Variants in COL22A1 observed in about 807,000 individuals in gnomAD.
COL22A1 encodes collagen type XXII alpha 1 chain.
A neutral mutation model predicts 248.9 loss-of-function variants in COL22A1; 221 were observed. The ratio of observed to expected loss-of-function variants is 0.89; its 90% CI spans 0.80 to 0.99. COL22A1 has a LOEUF of 0.99. Ranked by LOEUF, COL22A1 falls within the 50% of genes least tolerant of loss-of-function variation. The pLI, the probability that COL22A1 is intolerant of heterozygous loss-of-function variation, is 0.00. For synonymous variants in COL22A1, 891 were observed against 793.4 expected (o/e 1.12, Z -2.07); for missense variants, 2,240 against 2,179.0 (o/e 1.03, Z -0.56).
intron 3 of COL22A1, among the ~76,000 whole-genome samples, chr8:138,864,150 C>T (rs750711128): frequency 2.6e-5 from 4 of 152,102 alleles, no homozygotes; most frequent in Non-Finnish European, 4.4e-5. Flanking sequence ...CTAGACCGCA[C>T]TTCAGGATCT....
At chr8:138,745,830 G>C (rs947760845) in intron 22 of COL22A1, among the ~76,000 whole-genome samples, 6 of 152,132 alleles carry the variant, frequency 3.9e-5, no homozygotes, top group African/African-American at 1.4e-4. Context: ...AAAACATTCA[G>C]GATTCAGACG....
At chr8:138,677,598 A>G (rs1825666752) in intron 40 of COL22A1, among the ~76,000 whole-genome samples, 1 of 152,214 alleles carries the variant, frequency 6.6e-6, no homozygotes, top group Non-Finnish European at 1.5e-5. Flanking sequence ...GACTTGTGCT[A>G]TTTGCAGTCT....
At chr8:138,788,151 G>A (rs118108540) in intron 12 of COL22A1, among the ~76,000 whole-genome samples, 96 of 152,246 alleles carry the variant, frequency 6.3e-4, no homozygotes, top group East Asian at 6.0e-3. Context: ...CTGGGGTTGC[G>A]TTAGAAGGGC....
chr8:138,736,590 G>A (rs1035301157), intron 23 of COL22A1, among the ~76,000 whole-genome samples: 2 of 152,092 alleles, frequency 1.3e-5, no homozygotes, highest in African/African-American at 4.8e-5. Flanking sequence ...ATCTAGATGG[G>A]TGGGTGTCAG....
intron 1 of COL22A1, among the ~76,000 whole-genome samples, chr8:138,906,239 G>A (rs762162486): frequency 6.6e-6 from 1 of 151,990 alleles, no homozygotes; most frequent in Non-Finnish European, 1.5e-5. Context: ...GCATGGTGGC[G>A]GGCACCTATA....
intron 63 of COL22A1, among the ~76,000 whole-genome samples, chr8:138,593,526 T>C (rs1025785124): frequency 6.6e-6 from 1 of 152,222 alleles, no homozygotes. Flanking sequence ...TGTTTGCCAC[T>C]GTGTGATGAG....
At chr8:138,642,226 C>T (rs371501690) in intron 47 of COL22A1, among the ~76,000 whole-genome samples, 4 of 152,212 alleles carry the variant, frequency 2.6e-5, no homozygotes, top group African/African-American at 9.6e-5. Flanking sequence ...AGTTGGACTA[C>T]TAGTGGTCAA....
intron 1 of COL22A1, among the ~76,000 whole-genome samples, chr8:138,903,904 C>T (rs754198558): frequency 1.8e-4 from 27 of 152,080 alleles, no homozygotes; most frequent in South Asian, 4.1e-4. Flanking sequence ...GGGGCGCTGA[C>T]GGCCATGTGC....
chr8:138,705,604 C>G (rs867279071), intron 30 of COL22A1, among the ~76,000 whole-genome samples: 1 of 152,280 alleles, frequency 6.6e-6, no homozygotes, highest in Middle Eastern at 3.4e-3. Flanking sequence ...CACCACCAGG[C>G]CTGCCTTATG....
chr8:138,826,843 G>A lies in COL22A1; in HGVS notation c.846-62C>T, dbSNP rs1056022176. On this transcript the variant is annotated intron_variant, in intron 5 of 64. Transcript: ENST00000303045. ...GATGAGAGCAGGGAGCCAGCAAAGT[G>A]AGCCCACACAACCCAGCAGTGATCA... is the stretch of plus-strand genomic sequence containing the variant. The A allele has an allele frequency of 4.4e-6, 7 of 1,591,906 alleles. No homozygotes were observed. In the Admixed American group the frequency reaches 6.9e-5, roughly 16 times the overall value.
rs757592607 is a variant in COL22A1, at chr8:138,613,969, G to T, written c.3925-49C>A. 5 of 1,428,908 alleles carry T rather than the reference G, an allele frequency of 3.5e-6. No homozygotes were observed. The East Asian group carries it at 1.1e-4, about 33-fold the overall frequency. 88.5% of individuals were successfully genotyped at this position (1,428,908 alleles called of 1,614,324 possible). ...TGTCATCATCAAGTCACTGTGTGAAGGTGATGGCATCCCAATTTCAAATGT... is the reference window on the plus strand; with the variant it reads ...TGTCATCATCAAGTCACTGTGTGAATGTGATGGCATCCCAATTTCAAATGT... On this transcript the variant is annotated intron_variant, in intron 55 of 64. Transcript: ENST00000303045.
chr8:138,762,828 G>A lies in COL22A1; in HGVS notation c.1804-362C>T, dbSNP rs1016918356. ...TAATGCAGTTCATAAAATTGCAGGT[G>A]TATTTTATGCATCATTCATTTGTCC... On this transcript the variant is annotated intron_variant, in intron 16 of 64. Coordinates refer to ENST00000303045, the MANE Select transcript of COL22A1 (RefSeq NM_152888.3). 5.3e-5 allele frequency among the ~76,000 whole-genome samples: 8 copies of A among 152,292 alleles called. No homozygotes were observed. In the South Asian group the frequency reaches 8.3e-4, roughly 16 times the overall value.
intron 23 of COL22A1, among the ~76,000 whole-genome samples, chr8:138,730,698 A>C (rs765273672): frequency 3.9e-4 from 59 of 152,238 alleles, no homozygotes; most frequent in Non-Finnish European, 7.8e-4. Flanking sequence ...GAATGAAAAC[A>C]GAGAGACAAA....
chr8:138,659,209 A>C (rs1322400985), intron 44 of COL22A1, among the ~76,000 whole-genome samples: 1 of 152,148 alleles, frequency 6.6e-6, no homozygotes, highest in Non-Finnish European at 1.5e-5. Context: ...CTAACTTCCA[A>C]CAAGACTTTA....
intron 3 of COL22A1, among the ~76,000 whole-genome samples, chr8:138,853,186 G>A (rs1821769496): frequency 6.6e-6 from 1 of 152,028 alleles, no homozygotes; most frequent in Non-Finnish European, 1.5e-5. Flanking sequence ...AAAAAGAAGG[G>A]GCAGCATTTA....
At chr8:138,817,476 C>T (rs1302392579) in intron 7 of COL22A1, among the ~76,000 whole-genome samples, 2 of 152,140 alleles carry the variant, frequency 1.3e-5, no homozygotes, top group African/African-American at 4.8e-5. Flanking sequence ...AAGACAGGTG[C>T]AGGCAGTTGG....
chr8:138,886,009 T>G (rs1469006286), intron 1 of COL22A1, among the ~76,000 whole-genome samples: 1 of 152,118 alleles, frequency 6.6e-6, no homozygotes, highest in Non-Finnish European at 1.5e-5. Context: ...TCCTCCAAAT[T>G]TTGCCCACAG....
intron 48 of COL22A1, among the ~76,000 whole-genome samples, 191 bp from the exon 49 acceptor site, chr8:138,635,254 C>A (rs988674855): frequency 2.6e-5 from 4 of 152,062 alleles, no homozygotes; most frequent in South Asian, 2.1e-4. Flanking sequence ...TTTATAAAAA[C>A]AAACATGTCC....
At chr8:138,796,388 C>G (rs1586763079) in intron 12 of COL22A1, among the ~76,000 whole-genome samples, 1 of 57,066 alleles carries the variant, frequency 1.8e-5, no homozygotes, top group South Asian at 5.4e-4. Flanking sequence ...TTGCTACTTT[C>G]CTTTTTTTTT....
Sources: allele counts gnomAD v4.1 joint callset (sites outside exome capture counted in the v4.1 genomes callset), GRCh38; gene constraint gnomAD v4.1.1; transcripts MANE v1.5; gene names NCBI Gene and HGNC (gene_info 2026-07-23, HGNC 2026-07-21).